RYR1: variants seen among roughly 807,000 people sequenced by gnomAD.
RYR1 encodes the protein central core disease of muscle.
A neutral mutation model predicts 583.5 loss-of-function variants in RYR1; 342 were observed. The observed-to-expected ratio is 0.59, with a 90% CI of 0.54 to 0.64. The LOEUF (loss-of-function observed/expected upper bound fraction) is 0.64. RYR1 is among the 30% of genes least tolerant of loss of function. The probability of loss-of-function intolerance (pLI) is 0.00; values close to 1 mark genes in which losing one functional copy is unlikely to be tolerated. For missense variants in RYR1, 6,032 were observed against 6,917.2 expected (o/e 0.87, Z 4.54); for synonymous variants, 2,791 against 2,822.5 (o/e 0.99, Z 0.35).
intron 42 of RYR1, among the ~76,000 whole-genome samples, 176 bp from the exon 43 acceptor site, chr19:38,498,932 C>T (rs1367230669): frequency 6.6e-6 from 1 of 152,200 alleles, no homozygotes; most frequent in Non-Finnish European, 1.5e-5. Flanking sequence ...AGCTCCTGTT[C>T]AAGATGGAGT....
chr19:38,457,378 T>G, intron 16 of RYR1, 119 bp from the exon 17 acceptor site: 1 of 1,418,708 alleles, frequency 7.0e-7, no homozygotes, highest in Non-Finnish European at 9.9e-7. Context: ...TCAGTCAAAA[T>G]TGCCACATCT....
chr19:38,553,616 T>A (rs1222181681), intron 89 of RYR1, among the ~76,000 whole-genome samples: 2 of 152,284 alleles, frequency 1.3e-5, no homozygotes, highest in African/African-American at 4.8e-5. Context: ...ATTGTACCAC[T>A]GCACTCCAGC....
chr19:38,495,233 G>A (rs1162027865), intron 39 of RYR1, among the ~76,000 whole-genome samples: 1 of 152,166 alleles, frequency 6.6e-6, no homozygotes, highest in Non-Finnish European at 1.5e-5. Flanking sequence ...TTGTGCTGTG[G>A]CTTCAGTGAG....
At chr19:38,466,482 G>C in intron 24 of RYR1, 84 bp downstream of exon 24, 10 of 1,080,402 alleles carry the variant, frequency 9.3e-6, no homozygotes, top group Non-Finnish European at 1.3e-5. Flanking sequence ...ACCTGACTCA[G>C]CCCCCAAATG....
rs1412025182 is a variant in RYR1, at chr19:38,464,584, CG to C, written c.2787-51del. The C allele has an allele frequency of 6.8e-6, 10 of 1,463,154 alleles. No individual in the cohort carries two copies. The African/African-American group carries it at 1.4e-4, about 20-fold the overall frequency. 90.6% of individuals were successfully genotyped at this position (1,463,154 alleles called of 1,614,324 possible). ...GAGACCCTGAGGCCGTGGGAGGAGA[CG>C]GGGCAGGGAGCTCTGAGGGGCGTGA... On this transcript the variant is annotated intron_variant, in intron 22 of 105. Transcript: ENST00000359596.
At chr19:38,535,538 A>G in intron 81 of RYR1, 146 bp downstream of exon 81, 1 of 725,628 alleles carries the variant, frequency 1.4e-6, no homozygotes. Flanking sequence ...GGAATTTATT[A>G]TAAGAATTAA....
intron 67 of RYR1, among the ~76,000 whole-genome samples, chr19:38,521,963 C>T (rs377289987): frequency 1.3e-5 from 2 of 151,928 alleles, no homozygotes; most frequent in South Asian, 4.1e-4. Flanking sequence ...CCGCCTCGGC[C>T]TCCCAAAGTG....
In RYR1 at chr19:38,443,562, C is replaced by T. The variant is rs1474762313; in HGVS notation, c.275C>T (p.Ser92Phe). The T allele has an allele frequency of 6.2e-7, 1 of 1,613,820 alleles. No homozygotes were observed. Among genetic ancestry groups the T allele is most frequent in the Non-Finnish European group, 8.5e-7 (1 of 1,179,812 alleles). The change falls in exon 4 of 106, where the codon TCC becomes TTC. Residue 92 changes from serine (S) to phenylalanine (F), a missense_variant. Physicochemically the swap from Ser to Phe is radical, Grantham distance 155. Transcript: ENST00000359596. Reference sequence around the variant, plus strand: ...GTTCCCTCCCTCCCCCTGCAGTCATCCCAGGGCGGGGGACACAGGACGCTC... The same window carrying T: ...GTTCCCTCCCTCCCCCTGCAGTCATTCCAGGGCGGGGGACACAGGACGCTC... ...ANTVEAGVES[S>F]QGGGHRTLLY...
Position 38,489,198 on chromosome 19 carries a change from G to A in RYR1, c.5569G>A (p.Glu1857Lys), listed in dbSNP as rs1444226470. The A allele has an allele frequency of 1.2e-6, 2 of 1,614,184 alleles. No individual in the cohort carries two copies. The highest frequency in any genetic ancestry group is 8.5e-7 in the Non-Finnish European group (1 of 1,180,042). The change falls in exon 35 of 106, where the codon GAG becomes AAG. Residue 1857 changes from glutamate to lysine, a missense_variant. Physicochemically the swap from Glu to Lys is moderately conservative, Grantham distance 56. Around this residue, in one of 11 missense-constraint regions of RYR1, gnomAD observed 2,627 missense variants for 2,961.3 expected, o/e 0.89. Transcript: ENST00000359596. ...GTAGGTGATGGGCATCTTTGGCGATGAGGATGTGAAACAGATCTTGAAGAT... is the reference window on the plus strand; with the variant it reads ...GTAGGTGATGGGCATCTTTGGCGATAAGGATGTGAAACAGATCTTGAAGAT... ...TLLVMGIFGD[E>K]DVKQILKMIE... is the part of the protein sequence containing the mutation.
At chr19:38,449,217 T>A (rs1470121051) in intron 11 of RYR1, among the ~76,000 whole-genome samples, 4 of 152,022 alleles carry the variant, frequency 2.6e-5, no homozygotes, top group Non-Finnish European at 4.4e-5. Context: ...CCTAGCACTT[T>A]GGGAGGCCCA....
Position 38,490,254 on chromosome 19 carries a change from T to C in RYR1, c.5993T>C (p.Phe1998Ser). ...AAETARRTRE[F>S]RSPPQEQINM... The stretch of plus-strand genomic sequence containing the variant: ...GAGACTGCAAGACGTACCCGCGAGT[T>C]CCGCTCCCCACCCCAGGAACAGGTC... Residue 1998 changes from phenylalanine to serine, a missense_variant, in exon 36 of 106, where the codon TTC becomes TCC. Phe to Ser is a radical substitution (Grantham distance 155). Transcript: ENST00000359596. 1 of 1,614,068 alleles carries C rather than the reference T, an allele frequency of 6.2e-7. No individual in the cohort carries two copies. The highest frequency in any genetic ancestry group is 8.5e-7 in the Non-Finnish European group (1 of 1,180,000).
In RYR1 at chr19:38,496,498, T is replaced by C. The variant is rs767692205; in HGVS notation, c.6753T>C (p.Phe2251=). The change falls in exon 41 of 106, where the codon TTT becomes TTC. Residue 2251 remains phenylalanine (F), a synonymous_variant. Transcript: ENST00000359596. This position sits in a 1 kb window ranked among gnomAD's most constrained non-coding sequence, Gnocchi z 4.8. ...RISRQNQRSM[F]DHLSYLLENS... ...GCCGGCAGAACCAGCGCTCCATGTT[T>C]GACCACCTGAGCTACCTGCTGGAGA... 6 of 1,613,536 alleles carry C rather than the reference T, an allele frequency of 3.7e-6. No individual in the cohort carries two copies. In the African/African-American group the frequency reaches 8.0e-5, roughly 22 times the overall value.
At chr19:38,488,794 G>A (rs1969415947) in intron 34 of RYR1, among the ~76,000 whole-genome samples, 1 of 152,246 alleles carries the variant, frequency 6.6e-6, no homozygotes, top group South Asian at 2.1e-4. Context: ...TGTGAGCCTC[G>A]CCTCATGTGT....
In RYR1 at chr19:38,564,885, C is replaced by A. The variant is rs1286338154; in HGVS notation, c.12625-74C>A. ...CGCCTGCCGCGGTGACCCCTTGTAG[C>A]TGCCACTGCGCTGTCGCTGCTGTCC... is the stretch of plus-strand genomic sequence containing the variant. On this transcript the variant is annotated intron_variant, in intron 90 of 105. Transcript: ENST00000359596. 7.2e-6 allele frequency: 11 copies of A among 1,532,866 alleles called. No individual in the cohort carries two copies. The Admixed American group carries it at 1.6e-4, about 22-fold the overall frequency. The allele number at this position is 1,532,866 out of a possible 1,614,324, so 95.0% of individuals were successfully genotyped here. A position where few individuals can be genotyped will look rare whatever the true frequency, so the allele number is the denominator to read the frequency against.
At chr19:38,527,084 C>G in intron 72 of RYR1, 32 bp downstream of exon 72, 1 of 1,610,380 alleles carries the variant, frequency 6.2e-7, no homozygotes. Flanking sequence ...GCAAAAGAAG[C>G]AAGTCAGAAA....
rs891689474 is a variant in RYR1 at position 38,475,305 on chromosome 19, C to T, written c.4161-13C>T. ...AAAGCTGGCTCTCATGGCGCCTCTC[C>T]TCCCACTACCAGCTTCTTATTCAAG... is the stretch of plus-strand genomic sequence containing the variant. On this transcript the variant is annotated splice_polypyrimidine_tract_variant and intron_variant, in intron 28 of 105. Coordinates refer to ENST00000359596, the MANE Select transcript of RYR1 (RefSeq NM_000540.3). 1.2e-5 allele frequency: 19 copies of T among 1,567,836 alleles called. No individual in the cohort carries two copies. The highest frequency in any genetic ancestry group is 1.6e-5 in the Non-Finnish European group (19 of 1,156,586).
rs2145790662 is a variant in RYR1 at position 38,548,369 on chromosome 19, G to A, written c.12231G>A (p.Gln4077=). The change falls in exon 89 of 106, where the codon CAG becomes CAA. Residue 4077 remains glutamine (Q), a synonymous_variant. Coordinates refer to ENST00000359596, the MANE Select transcript of RYR1 (RefSeq NM_000540.3). The part of the protein sequence containing the change: ...LKDIVGSEAF[Q]DYVTDPRGLI... ...ACATTGTGGGCTCTGAAGCCTTCCA[G>A]GACTACGTAACGGATCCCCGTGGCC... is the stretch of plus-strand genomic sequence containing the variant. The A allele has an allele frequency of 1.2e-6, 2 of 1,614,162 alleles. No individual in the cohort carries two copies. The highest frequency in any genetic ancestry group is 1.7e-6 in the Non-Finnish European group (2 of 1,180,034).
intron 2 of RYR1, among the ~76,000 whole-genome samples, chr19:38,441,541 C>A (rs1972685038): frequency 6.6e-6 from 1 of 150,382 alleles, no homozygotes; most frequent in Non-Finnish European, 1.5e-5. Context: ...GTGGGGGCAG[C>A]TGGAGTCTGA....
Position 38,444,864 on chromosome 19 carries a change from A to C in RYR1, c.631+187A>C. Among the ~76,000 whole-genome samples, 1 of 142,140 alleles carries C rather than the reference A, an allele frequency of 7.0e-6. No homozygotes were observed. The highest frequency in any genetic ancestry group is 2.6e-5 in the African/African-American group (1 of 38,696). 93.2% of individuals were successfully genotyped at this position (142,140 alleles called of 152,430 possible). On this transcript the variant is annotated intron_variant, in intron 7 of 105. Transcript: ENST00000359596. This position sits in a 1 kb window ranked among gnomAD's most constrained non-coding sequence, Gnocchi z 5.1. ...GACCCCCAGAGCTCAGAACCCCCCC[A>C]AACCCCGAACTAAATATCAGGCTCC...
Sources: gnomAD v4.1 joint callset for allele counts (sites outside exome capture counted in the v4.1 genomes callset) on GRCh38, gnomAD v4.1.1 for gene constraint, gnomAD v4.1.1 regional missense constraint, Gnocchi (gnomAD v3.1) non-coding constraint, MANE v1.5 for transcripts, NCBI Gene and HGNC (gene_info 2026-07-23, HGNC 2026-07-21) for gene names.